SZRD1: variants seen among roughly 807,000 people sequenced by gnomAD.
SZRD1 encodes SUZ RNA binding domain containing 1.
A neutral mutation model predicts 17.6 loss-of-function variants in SZRD1; 7 were observed. The observed-to-expected ratio is 0.40, with a 90% CI of 0.23 to 0.75. SZRD1 has a LOEUF of 0.75. SZRD1 is among the 30% of genes least tolerant of loss of function. SZRD1 has a pLI of 0.38. For synonymous variants in SZRD1, 77 were observed against 77.9 expected (o/e 0.99, Z 0.06); for missense variants, 178 against 201.8 (o/e 0.88, Z 0.71).
In SZRD1 at chr1:16,395,473, A is replaced by T; in HGVS notation, c.*333A>T. 1 of 337,840 alleles carries T rather than the reference A, an allele frequency of 3.0e-6. No individual in the cohort carries two copies. Among genetic ancestry groups the T allele is most frequent in the South Asian group, 3.4e-5 (1 of 29,826 alleles). The allele number at this position is 337,840 out of a possible 1,614,324, so 20.9% of individuals were successfully genotyped here. A position where few individuals can be genotyped will look rare whatever the true frequency, so the allele number is the denominator to read the frequency against. On this transcript the variant is annotated 3_prime_UTR_variant, in exon 4 of 4. Transcript: ENST00000401088. ...CCACTTGGCCACTTGGGGTAAAGCC[A>T]GTGCCAGCAATAACAGTTTATCATG...
intron 1 of SZRD1, among the ~76,000 whole-genome samples, chr1:16,369,901 A>AAC (rs1553158206): frequency 6.6e-6 from 1 of 150,472 alleles, no homozygotes; most frequent in Non-Finnish European, 1.5e-5. Flanking sequence ...AAAAAAAACA[A>AAC]AAAAAAAAAA....
intron 1 of SZRD1, chr1:16,386,918 G>T: frequency 5.6e-6 from 1 of 177,280 alleles, no homozygotes; most frequent in Non-Finnish European, 1.2e-5. Context: ...ATTGTCGGGG[G>T]AGGGTGGTAT....
chr1:16,367,341 G>A lies in SZRD1; in HGVS notation c.51+33G>A, dbSNP rs769788715. On this transcript the variant is annotated intron_variant, in intron 1 of 3. Transcript: ENST00000401088. ...GGAGCCGCCGTCCCATGGCAGGGCC[G>A]GGCGAGACCTGGCGTGAGGGGAGCC... The A allele has an allele frequency of 1.2e-5, 18 of 1,541,760 alleles. No individual in the cohort carries two copies. In the South Asian group the frequency reaches 1.3e-4, roughly 11 times the overall value.
At position 16,372,943 on chromosome 1, in the gene SZRD1, G is replaced by A. The variant is rs551701022; in HGVS notation, c.51+5635G>A. Among the ~76,000 whole-genome samples, 11 of 152,284 alleles carry A rather than the reference G, an allele frequency of 7.2e-5. No homozygotes were observed. The East Asian group carries it at 7.7e-4, about 11-fold the overall frequency. On this transcript the variant is annotated intron_variant, in intron 1 of 3. Transcript: ENST00000401088. ...TCAGAGAAAGTCTTGTAAAGAAGAC[G>A]ATGCCTAAGTTAAGATTTGAAAGAT...
intron 1 of SZRD1, chr1:16,387,203 A>G (rs868718611): frequency 3.3e-5 from 14 of 428,218 alleles, no homozygotes; most frequent in Middle Eastern, 6.8e-4. Context: ...ACAGAGGCGC[A>G]TTTACTCAGA....
intron 1 of SZRD1, among the ~76,000 whole-genome samples, chr1:16,377,973 T>C (rs996772404): frequency 3.3e-5 from 5 of 152,128 alleles, no homozygotes; most frequent in Non-Finnish European, 7.4e-5. Context: ...CCGAGAATTG[T>C]ATTGCTTAGT....
In SZRD1 at chr1:16,381,561, A is replaced by T. The variant is rs1275996120; in HGVS notation, c.52-9814A>T. On this transcript the variant is annotated intron_variant, in intron 1 of 3. Transcript: ENST00000401088. ...GACAGCGAGACTTCATCTCAAAAAA[A>T]AAAAAAAAAAGATCAGAGAAGGTCT... 3.4e-5 allele frequency among the ~76,000 whole-genome samples: 5 copies of T among 147,352 alleles called. No individual in the cohort carries two copies. The Admixed American group carries it at 3.4e-4, about 10-fold the overall frequency.
At chr1:16,390,906 G>T (rs1416078305) in intron 1 of SZRD1, among the ~76,000 whole-genome samples, 2 of 152,096 alleles carry the variant, frequency 1.3e-5, no homozygotes, top group African/African-American at 4.8e-5. Flanking sequence ...GAGACAGAAG[G>T]TAAAAGAAGG....
chr1:16,397,979 G>A lies in SZRD1; in HGVS notation c.*2839G>A, dbSNP rs2085341073. 1 of 748,992 alleles carries A rather than the reference G, an allele frequency of 1.3e-6. No individual in the cohort carries two copies. Among genetic ancestry groups the A allele is most frequent in the African/African-American group, 1.9e-5 (1 of 52,650 alleles). The allele number at this position is 748,992 out of a possible 1,614,324, so 46.4% of individuals were successfully genotyped here. On this transcript the variant is annotated 3_prime_UTR_variant, in exon 4 of 4. Coordinates refer to ENST00000401088, the MANE Select transcript of SZRD1 (RefSeq NM_001114600.3). This position sits in a 1 kb window ranked among gnomAD's most constrained non-coding sequence, Gnocchi z 5.4. ...CCAGGGGTGCACATGGGCCCCTTGG[G>A]TGTCTGAACAGAAGGGCATGGGAGG...
In SZRD1 at chr1:16,396,378, TTTGCAAAGA is replaced by T. The variant is rs2085311703; in HGVS notation, c.*1242_*1250del. 1 of 152,176 alleles carries T rather than the reference TTTGCAAAGA, an allele frequency of 6.6e-6. No individual in the cohort carries two copies. The highest frequency in any genetic ancestry group is 1.5e-5 in the Non-Finnish European group (1 of 68,052). The allele number at this position is 152,176 out of a possible 1,614,324, so 9.4% of individuals were successfully genotyped here. Reference sequence around the variant, plus strand: ...AAAGTTGGAAAAAGAACAGCTTTGCTTTGCAAAGATTGATGACAGACTGGTTCCTCAGAG... The same window carrying T: ...AAAGTTGGAAAAAGAACAGCTTTGCTTTGATGACAGACTGGTTCCTCAGAG... On this transcript the variant is annotated 3_prime_UTR_variant, in exon 4 of 4. Coordinates refer to ENST00000401088, the MANE Select transcript of SZRD1 (RefSeq NM_001114600.3).
At position 16,391,680 on chromosome 1, in the gene SZRD1, CA is replaced by C. The variant is rs2100747522; in HGVS notation, c.101+258del. Among the ~76,000 whole-genome samples, 1 of 152,166 alleles carries C rather than the reference CA, an allele frequency of 6.6e-6. No individual in the cohort carries two copies. Among genetic ancestry groups the C allele is most frequent in the East Asian group, 1.9e-4 (1 of 5,170 alleles). On this transcript the variant is annotated intron_variant, in intron 2 of 3. Coordinates refer to ENST00000401088, the MANE Select transcript of SZRD1 (RefSeq NM_001114600.3). This position sits in a 1 kb window ranked among gnomAD's most constrained non-coding sequence, Gnocchi z 4.3. The stretch of plus-strand genomic sequence containing the variant: ...CATCTGATGCAATGTGAGGAAGTGA[CA>C]AGTTGGAAGACTTGAGTTTTAGGCC...
intron 1 of SZRD1, among the ~76,000 whole-genome samples, chr1:16,388,935 A>C (rs1395471506): frequency 6.6e-6 from 1 of 152,088 alleles, no homozygotes; most frequent in African/African-American, 2.4e-5. Flanking sequence ...GGCATAAGCC[A>C]CTGTCACTGT....
In SZRD1 at chr1:16,396,106, G is replaced by A. The variant is rs566718415; in HGVS notation, c.*966G>A. On this transcript the variant is annotated 3_prime_UTR_variant, in exon 4 of 4. Coordinates refer to ENST00000401088, the MANE Select transcript of SZRD1 (RefSeq NM_001114600.3). ...TGAGATTGCATCCCTGGGCTTAGAA[G>A]TGACGGAGAGAAGACTTGTTTAGTA... 2 of 152,812 alleles carry A rather than the reference G, an allele frequency of 1.3e-5. No homozygotes were observed. Among genetic ancestry groups the A allele is most frequent in the East Asian group, 3.9e-4 (2 of 5,178 alleles). The allele number at this position is 152,812 out of a possible 1,614,324, so 9.5% of individuals were successfully genotyped here.
chr1:16,378,889 G>C (rs1360965852), intron 1 of SZRD1, among the ~76,000 whole-genome samples: 2 of 151,886 alleles, frequency 1.3e-5, no homozygotes, highest in Non-Finnish European at 2.9e-5. Flanking sequence ...ACCACGCCCG[G>C]CTAATTTTTG....
chr1:16,380,115 CAGTA>C (rs1238354654), intron 1 of SZRD1, among the ~76,000 whole-genome samples: 1 of 152,086 alleles, frequency 6.6e-6, no homozygotes, highest in African/African-American at 2.4e-5. Flanking sequence ...ATATACCACT[CAGTA>C]AAGAAAAGTA....
chr1:16,379,001 A>G (rs2083049324), intron 1 of SZRD1, among the ~76,000 whole-genome samples: 1 of 152,094 alleles, frequency 6.6e-6, no homozygotes, highest in African/African-American at 2.4e-5. Context: ...TGCTGGGGTT[A>G]CAGGTGTGAG....
At chr1:16,375,376 C>T (rs564585985) in intron 1 of SZRD1, among the ~76,000 whole-genome samples, 8 of 151,924 alleles carry the variant, frequency 5.3e-5, no homozygotes, top group South Asian at 2.1e-4. Flanking sequence ...AGTGCAGTGG[C>T]GCAATTTCTG....
rs919302864 is a variant in SZRD1, at chr1:16,393,733, G to A, written c.356+251G>A. Among the ~76,000 whole-genome samples the A allele has an allele frequency of 2.6e-5, 4 of 152,196 alleles. No homozygotes were observed. Among genetic ancestry groups the A allele is most frequent in the Admixed American group, 6.5e-5 (1 of 15,282 alleles). On this transcript the variant is annotated intron_variant, in intron 3 of 3. Transcript: ENST00000401088. The surrounding 1 kb of genome is among the most constrained non-coding windows in gnomAD (Gnocchi z 5.6). ...GCTCCCTCTGCGGTTGGTAGTCACC[G>A]GGGGCACTGTTGTGTAGAGAGTGAA...
chr1:16,373,231 GTT>G (rs35547196), intron 1 of SZRD1, among the ~76,000 whole-genome samples: 93 of 143,632 alleles, frequency 6.5e-4, no homozygotes, highest in African/African-American at 8.2e-4. Flanking sequence ...GAGCTTTGAA[GTT>G]TTTTTTTTTT....
Sources: allele counts gnomAD v4.1 joint callset (sites outside exome capture counted in the v4.1 genomes callset), GRCh38; gene constraint gnomAD v4.1.1; non-coding constraint Gnocchi (gnomAD v3.1); transcripts MANE v1.5; gene names NCBI Gene and HGNC (gene_info 2026-07-23, HGNC 2026-07-21).